Variants in MPPED1 observed in about 807,000 individuals in gnomAD.
MPPED1 encodes metallophosphoesterase domain containing 1.
In MPPED1, 16 loss-of-function variants were observed where a neutral mutation model predicts 36.2. The ratio of observed to expected loss-of-function variants is 0.44; its 90% confidence interval spans 0.30 to 0.67. MPPED1 has a LOEUF of 0.67. MPPED1 is among the 30% of genes least tolerant of loss of function. The probability of loss-of-function intolerance (pLI) is 0.10; values close to 1 mark genes in which losing one functional copy is unlikely to be tolerated. For missense variants in MPPED1, 307 were observed against 453.4 expected, an observed-to-expected ratio of 0.68 and a Z score of 2.93; for synonymous variants, 199 against 191.3, an observed-to-expected ratio of 1.04 and a Z score of -0.33.
intron 4 of MPPED1, among the ~76,000 whole-genome samples, chr22:43,488,538 C>A (rs936066315): frequency 6.6e-6 from 1 of 152,174 alleles, no homozygotes; most frequent in South Asian, 2.1e-4. Flanking sequence ...CTTAATTAGA[C>A]GGGACTCGAA....
intron 5 of MPPED1, among the ~76,000 whole-genome samples, chr22:43,499,633 T>C (rs1479516592): frequency 1.4e-5 from 1 of 69,838 alleles, no homozygotes; most frequent in Non-Finnish European, 2.7e-5. Flanking sequence ...GTGATGATGG[T>C]GGAGGTGGTG....
chr22:43,484,273 G>T (rs1931842934), intron 4 of MPPED1, among the ~76,000 whole-genome samples: 1 of 152,254 alleles, frequency 6.6e-6, no homozygotes. Flanking sequence ...CTAGCAACAG[G>T]CAAGGCAGGA....
intron 3 of MPPED1, among the ~76,000 whole-genome samples, chr22:43,469,873 A>G (rs928449145): frequency 2.0e-5 from 3 of 152,088 alleles, no homozygotes; most frequent in Admixed American, 2.0e-4. Context: ...GTATGCATCT[A>G]TGTATCCGTC....
chr22:43,439,854 C>G (rs1930088235), intron 3 of MPPED1, among the ~76,000 whole-genome samples: 1 of 152,254 alleles, frequency 6.6e-6, no homozygotes, highest in South Asian at 2.1e-4. Context: ...GCTCCCCTCC[C>G]TGGTCCGGGG....
intron 4 of MPPED1, among the ~76,000 whole-genome samples, chr22:43,488,430 G>T (rs564554400): frequency 5.9e-5 from 9 of 152,276 alleles, no homozygotes; most frequent in African/African-American, 1.9e-4. Context: ...GTGTCTCCCC[G>T]CTTCCCTGTT....
chr22:43,426,904 G>T (rs537593039), intron 2 of MPPED1, among the ~76,000 whole-genome samples: 1 of 152,240 alleles, frequency 6.6e-6, no homozygotes, highest in Non-Finnish European at 1.5e-5. Context: ...GGAAGGCCCC[G>T]GGCCTCAGGC....
chr22:43,432,875 G>GAA (rs1929801170), intron 2 of MPPED1, among the ~76,000 whole-genome samples: 8 of 19,762 alleles, frequency 4.0e-4, no homozygotes, highest in South Asian at 4.1e-3. Flanking sequence ...AGGAGAGAGA[G>GAA]AGGGAAAGAG....
intron 5 of MPPED1, among the ~76,000 whole-genome samples, chr22:43,499,741 TGGTGGTGATGGTGATGGAGGTGGC>T (rs1427985657): frequency 4.1e-4 from 10 of 24,486 alleles, no homozygotes; most frequent in Non-Finnish European, 8.4e-4. Context: ...ATGGGGGTGG[TGGTGGTGATGGTGATGGAGGTGGC>T]GGTGGTGATG....
intron 1 of MPPED1, among the ~76,000 whole-genome samples, chr22:43,422,216 T>C (rs1023065015): frequency 3.9e-5 from 6 of 152,240 alleles, no homozygotes; most frequent in Non-Finnish European, 8.8e-5. Flanking sequence ...GGCCCAGCCC[T>C]GCCACCTACT....
At chr22:43,446,670 T>A (rs1355331407) in intron 3 of MPPED1, among the ~76,000 whole-genome samples, 2 of 152,104 alleles carry the variant, frequency 1.3e-5, no homozygotes, top group African/African-American at 4.8e-5. Context: ...AGGTGGCAAG[T>A]GAGGCGGCCT....
chr22:43,427,635 C>T (rs1215906690), intron 2 of MPPED1, among the ~76,000 whole-genome samples: 1 of 152,178 alleles, frequency 6.6e-6, no homozygotes, highest in Non-Finnish European at 1.5e-5. Flanking sequence ...GTCATTCATT[C>T]ACGCATTTGG....
chr22:43,436,466 C>A (rs1214795433), intron 3 of MPPED1, among the ~76,000 whole-genome samples: 1 of 152,246 alleles, frequency 6.6e-6, no homozygotes, highest in African/African-American at 2.4e-5. Flanking sequence ...GCAAGGCCTT[C>A]CCTTCTGTTT....
chr22:43,451,065 G>A (rs1930548812), intron 3 of MPPED1, among the ~76,000 whole-genome samples: 2 of 148,938 alleles, frequency 1.3e-5, no homozygotes, highest in South Asian at 4.3e-4. Context: ...GGAGTACAGT[G>A]GGGCCATCTC....
At chr22:43,432,346 AGGG>A (rs1408379889) in intron 2 of MPPED1, among the ~76,000 whole-genome samples, 2 of 130,178 alleles carry the variant, frequency 1.5e-5, no homozygotes, top group East Asian at 2.4e-4. Context: ...GAAAGAGAGA[AGGG>A]GAGGAGAGAG....
At chr22:43,470,805 C>A (rs1285980358) in intron 3 of MPPED1, among the ~76,000 whole-genome samples, 1 of 152,262 alleles carries the variant, frequency 6.6e-6, no homozygotes, top group Non-Finnish European at 1.5e-5. Flanking sequence ...AGGTTATGCA[C>A]AGCTGGTGAA....
At chr22:43,413,577 C>T (rs1215294925) in intron 1 of MPPED1, among the ~76,000 whole-genome samples, 1 of 152,158 alleles carries the variant, frequency 6.6e-6, no homozygotes, top group Non-Finnish European at 1.5e-5. Flanking sequence ...TGCGTTTGAG[C>T]TTGTGGTGCT....
rs550060093 is a variant in MPPED1 at position 43,431,215 on chromosome 22, A to G, written c.225-3819A>G. Among the ~76,000 whole-genome samples, 52 of 151,222 alleles carry G rather than the reference A, an allele frequency of 3.4e-4. 2 individuals are homozygous for G. The South Asian group carries it at 0.01, about 30-fold the overall frequency. ...TGCCACCACACCAAGCTAATTTTTT[A>G]TATTTTTAGTAGAGACGACGTTTCA... On this transcript the variant is annotated intron_variant, in intron 2 of 6. Transcript: ENST00000443721.
chr22:43,505,672 G>C lies in MPPED1; in HGVS notation c.*56G>C, dbSNP rs1016680959. The C allele has an allele frequency of 6.8e-6, 10 of 1,480,798 alleles. No individual in the cohort carries two copies. The African/African-American group carries it at 1.3e-4, about 19-fold the overall frequency. The allele number at this position is 1,480,798 out of a possible 1,614,324, so 91.7% of individuals were successfully genotyped here. On this transcript the variant is annotated 3_prime_UTR_variant, in exon 7 of 7. Coordinates refer to ENST00000443721, the MANE Select transcript of MPPED1 (RefSeq NM_001044370.2). ...CGTGTCAGCTCCACAGGCCTGGCCC[G>C]GCCACTGTTCCTTCCATGCTGAGTT...
At position 43,412,093 on chromosome 22, in the gene MPPED1, CT is replaced by C; in HGVS notation, c.-143del. 1 of 979,702 alleles carries C rather than the reference CT, an allele frequency of 1.0e-6. No individual in the cohort carries two copies. The highest frequency in any genetic ancestry group is 1.2e-6 in the Non-Finnish European group (1 of 827,698). 60.7% of individuals were successfully genotyped at this position (979,702 alleles called of 1,614,324 possible). A position where few individuals can be genotyped will look rare whatever the true frequency, so the allele number is the denominator to read the frequency against. On this transcript the variant is annotated 5_prime_UTR_variant, in exon 1 of 7. Transcript: ENST00000443721. ...CTGCGCGCCTCCCTCCCGGGAGCCCCTGCCTCCCTCGGTGCGCGCTGCTGCT... is the reference window on the plus strand; with the variant it reads ...CTGCGCGCCTCCCTCCCGGGAGCCCCGCCTCCCTCGGTGCGCGCTGCTGCT...
Sources: gnomAD v4.1 joint callset for allele counts (sites outside exome capture counted in the v4.1 genomes callset) on GRCh38, gnomAD v4.1.1 for gene constraint, MANE v1.5 for transcripts, NCBI Gene and HGNC (gene_info 2026-07-23, HGNC 2026-07-21) for gene names.